The following IHO1 variants were observed in gnomAD, a reference collection of about 807,000 sequenced individuals.
The protein encoded by IHO1 is interactor of HORMAD1 protein 1.
A neutral mutation model predicts 31.0 loss-of-function variants in IHO1; 13 were observed. The observed-to-expected ratio is 0.42, with a 90% confidence interval of 0.27 to 0.67. The LOEUF (loss-of-function observed/expected upper bound fraction) is 0.67, where lower values mean the gene tolerates loss of function less well. Ranked by LOEUF, IHO1 falls within the 30% of genes least tolerant of loss-of-function variation. The probability of loss-of-function intolerance (pLI) is 0.24; values close to 1 mark genes in which losing one functional copy is unlikely to be tolerated. For synonymous variants in IHO1, 221 were observed against 248.4 expected (o/e 0.89, Z 1.04); for missense variants, 599 against 687.5 (o/e 0.87, Z 1.44).
Position 49,225,786 on chromosome 3 carries a change from C to T in IHO1, c.57-10762C>T, listed in dbSNP as rs532022805. Among the ~76,000 whole-genome samples, 4 of 152,308 alleles carry T rather than the reference C, an allele frequency of 2.6e-5. No individual in the cohort carries two copies. In the South Asian group the frequency reaches 8.3e-4, roughly 32 times the overall value. On this transcript the variant is annotated intron_variant, in intron 2 of 7. Transcript: ENST00000452691. ...CTTGGATGGTAACAGACCTTGAGGACAGTCGCCCGGGACAGGAGATTAACA... is the reference window on the plus strand; with the variant it reads ...CTTGGATGGTAACAGACCTTGAGGATAGTCGCCCGGGACAGGAGATTAACA...
chr3:49,232,007 G>A (rs571703115), intron 2 of IHO1, among the ~76,000 whole-genome samples: 3 of 152,194 alleles, frequency 2.0e-5, no homozygotes, highest in Admixed American at 6.5e-5. Flanking sequence ...ACATGTATGC[G>A]TGGACACCTT....
At chr3:49,239,809 T>C (rs1448047005) in intron 3 of IHO1, among the ~76,000 whole-genome samples, 1 of 151,606 alleles carries the variant, frequency 6.6e-6, no homozygotes, top group African/African-American at 2.4e-5. Context: ...ATTACAGGCA[T>C]GCGCACCACG....
At chr3:49,238,492 C>T (rs966999619) in intron 3 of IHO1, among the ~76,000 whole-genome samples, 6 of 152,122 alleles carry the variant, frequency 3.9e-5, no homozygotes, top group Non-Finnish European at 5.9e-5. Context: ...CTTTTATACA[C>T]ATTTCTGAAA....
At chr3:49,228,019 C>A (rs892365023) in intron 2 of IHO1, among the ~76,000 whole-genome samples, 5 of 152,100 alleles carry the variant, frequency 3.3e-5, no homozygotes, top group Non-Finnish European at 5.9e-5. Flanking sequence ...ATCATTATTA[C>A]AAGAGAAACT....
At chr3:49,208,957 T>C (rs116683617) in intron 1 of IHO1, among the ~76,000 whole-genome samples, 2,054 of 152,222 alleles carry the variant, frequency 0.013, 41 homozygotes, top group Non-Finnish European at 0.015. Flanking sequence ...GTGGTAGGGG[T>C]TGAACAGTCA....
intron 2 of IHO1, among the ~76,000 whole-genome samples, chr3:49,220,263 TG>T (rs1455922754): frequency 6.6e-6 from 1 of 152,236 alleles, no homozygotes; most frequent in African/African-American, 2.4e-5. Flanking sequence ...TGTTCCAAAC[TG>T]GGGCATTTCC....
At chr3:49,243,253 G>A (rs969730683) in intron 4 of IHO1, among the ~76,000 whole-genome samples, 1 of 151,888 alleles carries the variant, frequency 6.6e-6, no homozygotes, top group Non-Finnish European at 1.5e-5. Context: ...AGCGATTCAA[G>A]TGCCCCAGCC....
chr3:49,191,795 G>A, the IHO1 span: 4 of 1,545,134 alleles, frequency 2.6e-6, no homozygotes, highest in East Asian at 7.2e-5. Context: ...GAGCAGAAAA[G>A]GCAAACTTTC....
At chr3:49,252,834 AGAGATC>A (rs903548282) in intron 6 of IHO1, among the ~76,000 whole-genome samples, 1 of 151,296 alleles carries the variant, frequency 6.6e-6, no homozygotes, top group African/African-American at 2.4e-5. Flanking sequence ...CATGAAGTCA[AGAGATC>A]GAGATCATCC....
In IHO1 at chr3:49,244,637, G is replaced by A; in HGVS notation, c.445-9G>A. Reference sequence around the variant, plus strand: ...CCTGTGAATTATTTCATAATTTTGGGTTTCTTAGTTGCAGACGTCTGTGGA... The same window carrying A: ...CCTGTGAATTATTTCATAATTTTGGATTTCTTAGTTGCAGACGTCTGTGGA... On this transcript the variant is annotated splice_polypyrimidine_tract_variant and intron_variant, in intron 5 of 7. Coordinates refer to ENST00000452691, the MANE Select transcript of IHO1 (RefSeq NM_001135197.2). 6.2e-7 allele frequency: 1 copy of A among 1,609,326 alleles called. No individual in the cohort carries two copies. The highest frequency in any genetic ancestry group is 2.2e-5 in the East Asian group (1 of 44,792).
At chr3:49,228,847 A>T (rs1409473449) in intron 2 of IHO1, among the ~76,000 whole-genome samples, 2 of 152,220 alleles carry the variant, frequency 1.3e-5, no homozygotes, top group Non-Finnish European at 2.9e-5. Flanking sequence ...GTGTGGAAGG[A>T]GACCTGAGCG....
intron 2 of IHO1, among the ~76,000 whole-genome samples, chr3:49,232,830 A>G (rs1054129931): frequency 6.6e-6 from 1 of 152,232 alleles, no homozygotes; most frequent in African/African-American, 2.4e-5. Context: ...ACAAGGGCTG[A>G]CACAGAGAAC....
At chr3:49,233,174 C>T (rs1559446744) in intron 2 of IHO1, among the ~76,000 whole-genome samples, 1 of 152,146 alleles carries the variant, frequency 6.6e-6, no homozygotes, top group Admixed American at 6.5e-5. Flanking sequence ...CTATGTTCAG[C>T]TGGTTTAAAC....
At chr3:49,247,741 A>G (rs892655427) in intron 6 of IHO1, among the ~76,000 whole-genome samples, 16 of 151,842 alleles carry the variant, frequency 1.1e-4, no homozygotes, top group Non-Finnish European at 4.4e-5. Flanking sequence ...GTGAGCCAAG[A>G]TGGTGCCACT....
At chr3:49,225,087 T>C (rs912897469) in intron 2 of IHO1, among the ~76,000 whole-genome samples, 5 of 152,220 alleles carry the variant, frequency 3.3e-5, no homozygotes, top group African/African-American at 4.8e-5. Context: ...AGTTTCTTTA[T>C]TTAGGTATGC....
chr3:49,202,677 A>G lies in IHO1; in HGVS notation c.-16+3104A>G, dbSNP rs2046084501. On this transcript the variant is annotated intron_variant, in intron 1 of 7. Transcript: ENST00000452691. ...AGGCGTGAACCACCGCACCCAGCCA[A>G]TTATTTTTATTTTTTTCAGATAGAG... 2.0e-5 allele frequency among the ~76,000 whole-genome samples: 3 copies of G among 150,384 alleles called. No homozygotes were observed. The South Asian group carries it at 6.3e-4, about 31-fold the overall frequency.
At chr3:49,225,474 A>G (rs1388864865) in intron 2 of IHO1, among the ~76,000 whole-genome samples, 1 of 152,146 alleles carries the variant, frequency 6.6e-6, no homozygotes, top group Admixed American at 6.5e-5. Context: ...AAAAAAAAAA[A>G]AGAAAAGTTT....
At chr3:49,191,633 T>G in the IHO1 span, 1 of 1,230,008 alleles carries the variant, frequency 8.1e-7, no homozygotes, top group Non-Finnish European at 1.2e-6. Flanking sequence ...CAGGGTCCTA[T>G]TCCAGGTTGG....
chr3:49,233,487 A>G (rs2046508038), intron 2 of IHO1, among the ~76,000 whole-genome samples: 1 of 152,242 alleles, frequency 6.6e-6, no homozygotes. Flanking sequence ...TTGAAGGAGC[A>G]TCAGACAGAT....
Sources: allele counts gnomAD v4.1 joint callset (sites outside exome capture counted in the v4.1 genomes callset), GRCh38; gene constraint gnomAD v4.1.1; transcripts MANE v1.5; gene names NCBI Gene and HGNC (gene_info 2026-07-23, HGNC 2026-07-21).